The following GLT1D1 variants were observed in gnomAD, a reference collection of about 807,000 sequenced individuals.
The protein encoded by GLT1D1 is glycosyltransferase 1 domain-containing protein 1.
GLT1D1 carries 21 observed loss-of-function variants against 28.7 expected under a neutral mutation model. The observed-to-expected ratio is 0.73, with a 90% CI of 0.52 to 1.05. The LOEUF (loss-of-function observed/expected upper bound fraction) is 1.05. GLT1D1 is among the 50% of genes least tolerant of loss of function. The probability of loss-of-function intolerance (pLI) is 0.00; values close to 1 mark genes in which losing one functional copy is unlikely to be tolerated. For synonymous variants in GLT1D1, 147 were observed against 124.8 expected (o/e 1.18, Z -1.19); for missense variants, 343 against 330.6 (o/e 1.04, Z -0.29).
intron 2 of GLT1D1, among the ~76,000 whole-genome samples, chr12:128,879,447 T>TTTCTTTCTTTCTTTCC (rs1956975812): frequency 7.9e-6 from 1 of 126,326 alleles, no homozygotes; most frequent in Non-Finnish European, 1.7e-5. Context: ...TCTTTCTTTC[T>TTTCTTTCTTTCTTTCC]TTCTTTCTTT....
intron 3 of GLT1D1, among the ~76,000 whole-genome samples, chr12:128,896,087 CAG>C (rs1869593178): frequency 6.6e-6 from 1 of 152,070 alleles, no homozygotes; most frequent in African/African-American, 2.4e-5. Context: ...ATGGTGCAGT[CAG>C]GGGAGCTGCC....
chr12:128,982,464 GAAC>G (rs1593225689), intron 7 of GLT1D1, among the ~76,000 whole-genome samples: 1 of 152,180 alleles, frequency 6.6e-6, no homozygotes, highest in Admixed American at 6.5e-5. Context: ...GAAGAGGACA[GAAC>G]AACACAAAGG....
intron 1 of GLT1D1, among the ~76,000 whole-genome samples, chr12:128,874,124 C>CCCTTTCTTTCTTTCTTTCTTTCTT (rs1555261647): frequency 1.0e-4 from 4 of 39,282 alleles, no homozygotes; most frequent in African/African-American, 4.5e-4. Context: ...CTCTCTCTCT[C>CCCTTTCTTTCTTTCTTTCTTTCTT]TCTTTCTTTC....
rs1167537515 is a variant in GLT1D1 at position 128,874,113 on chromosome 12, T to TTC, written c.69-1801_69-1800insTC. ...CTTTCTTTCTTTCTCTCTCTCTCTCTCTCTCTCTCTCTCTTTCTTTCTTTC... is the reference window on the plus strand; with the variant it reads ...CTTTCTTTCTTTCTCTCTCTCTCTCTTCCTCTCTCTCTCTCTTTCTTTCTTTC... On this transcript the variant is annotated intron_variant, in intron 1 of 7. Coordinates refer to ENST00000281703, the MANE Select transcript of GLT1D1 (RefSeq NM_144669.3). 1.5e-4 allele frequency among the ~76,000 whole-genome samples: 10 copies of TTC among 65,940 alleles called. 1 individual carries two copies. Among genetic ancestry groups the TTC allele is most frequent in the African/African-American group, 6.6e-4 (10 of 15,062 alleles). The allele number at this position is 65,940 out of a possible 152,430, so 43.3% of individuals were successfully genotyped here.
intron 6 of GLT1D1, among the ~76,000 whole-genome samples, chr12:128,952,097 C>T (rs1265035851): frequency 6.6e-6 from 1 of 152,006 alleles, no homozygotes; most frequent in Non-Finnish European, 1.5e-5. Flanking sequence ...GATGCCGCAG[C>T]GGACAGACGC....
chr12:128,903,474 G>A (rs887783431), intron 4 of GLT1D1, among the ~76,000 whole-genome samples: 2 of 151,688 alleles, frequency 1.3e-5, no homozygotes, highest in African/African-American at 4.9e-5. Context: ...CCTTACAAGG[G>A]CACGGATGCA....
intron 7 of GLT1D1, among the ~76,000 whole-genome samples, chr12:128,973,058 G>T (rs1879345382): frequency 1.3e-5 from 2 of 151,706 alleles, no homozygotes; most frequent in Admixed American, 1.3e-4. Context: ...TTCCTCTCCT[G>T]CAGCCTGCCA....
intron 7 of GLT1D1, among the ~76,000 whole-genome samples, chr12:128,981,687 C>G (rs954348346): frequency 1.3e-5 from 2 of 152,268 alleles, no homozygotes; most frequent in Middle Eastern, 3.4e-3. Flanking sequence ...GGCATTGCTG[C>G]CTTCTTGGAA....
rs1593052551 is a variant in GLT1D1, at chr12:128,866,991, C to T, written c.69-8923C>T. Among the ~76,000 whole-genome samples the T allele has an allele frequency of 2.0e-5, 3 of 152,288 alleles. No individual in the cohort carries two copies. The South Asian group carries it at 6.2e-4, about 32-fold the overall frequency. On this transcript the variant is annotated intron_variant, in intron 1 of 7. Coordinates refer to ENST00000281703, the MANE Select transcript of GLT1D1 (RefSeq NM_144669.3). ...TCAAATGGCAGCCCCTTCCACCACACACTGTCTCCCCGTCTCCCTGGGGCT... is the reference window on the plus strand; with the variant it reads ...TCAAATGGCAGCCCCTTCCACCACATACTGTCTCCCCGTCTCCCTGGGGCT...
At chr12:128,902,550 C>T (rs1377348575) in intron 4 of GLT1D1, among the ~76,000 whole-genome samples, 1 of 150,942 alleles carries the variant, frequency 6.6e-6, no homozygotes, top group African/African-American at 2.5e-5. Context: ...TAAGAAATTG[C>T]CACTTGCTGA....
At chr12:128,927,999 C>CAAAAAAAAAAAAAAAAAAAAAAAA (rs938188484) in intron 4 of GLT1D1, among the ~76,000 whole-genome samples, 6 of 42,250 alleles carry the variant, frequency 1.4e-4, no homozygotes, top group Admixed American at 4.4e-4. Flanking sequence ...GACTCTGTCT[C>CAAAAAAAAAAAAAAAAAAAAAAAA]AAAAAAAAAA....
chr12:128,982,848 T>C, intron 7 of GLT1D1, 81 bp from the exon 12 acceptor site: 1 of 1,343,068 alleles, frequency 7.4e-7, no homozygotes, highest in South Asian at 1.3e-5. Flanking sequence ...CAGCAGCCAA[T>C]GCAGACACAG....
Position 128,967,785 on chromosome 12 carries a change from G to A in GLT1D1, c.639+10142G>A, listed in dbSNP as rs187057677. On this transcript the variant is annotated intron_variant, in intron 7 of 7. Transcript: ENST00000281703. The stretch of plus-strand genomic sequence containing the variant: ...TACTTCTCTCTTATGTTTTAAAAGT[G>A]TTTTAACGTAACATCTATAATTCTT... Among the ~76,000 whole-genome samples, 21 of 152,318 alleles carry A rather than the reference G, an allele frequency of 1.4e-4. No individual in the cohort carries two copies. In the East Asian group the frequency reaches 3.7e-3, roughly 27 times the overall value.
intron 6 of GLT1D1, 92 bp downstream of exon 10, chr12:128,947,550 A>C (rs1876259170): frequency 7.0e-7 from 1 of 1,437,872 alleles, no homozygotes; most frequent in Non-Finnish European, 9.8e-7. Flanking sequence ...TGTCAATAAC[A>C]TTCTGCACTT....
At chr12:128,869,372 G>C (rs148774997) in intron 1 of GLT1D1, among the ~76,000 whole-genome samples, 14 of 152,216 alleles carry the variant, frequency 9.2e-5, no homozygotes, top group Middle Eastern at 3.4e-3. Flanking sequence ...GTCTCGCCAT[G>C]TTGCCCGGGC....
rs568733916 is a variant in GLT1D1, at chr12:128,863,426, G to A, written c.68+9777G>A. Among the ~76,000 whole-genome samples the A allele has an allele frequency of 1.3e-3, 202 of 152,172 alleles. 1 individual carries two copies. Among genetic ancestry groups the A allele is most frequent in the Admixed American group, 5.8e-3 (89 of 15,282 alleles). ...TTGCTCTTGTTGCCCAGGCTGGAGT[G>A]CAGTGGCGTGATCTCGGCTCACTGC... On this transcript the variant is annotated intron_variant, in intron 1 of 7. Transcript: ENST00000281703.
rs183557477 is a variant in GLT1D1 at position 128,954,352 on chromosome 12, G to A, written c.541-3193G>A. Among the ~76,000 whole-genome samples, 39 of 148,010 alleles carry A rather than the reference G, an allele frequency of 2.6e-4. 1 individual carries two copies. Among genetic ancestry groups the A allele is most frequent in the African/African-American group, 6.5e-4 (26 of 40,198 alleles). On this transcript the variant is annotated intron_variant, in intron 6 of 7. Coordinates refer to ENST00000281703, the MANE Select transcript of GLT1D1 (RefSeq NM_144669.3). ...TCACCATGTTAGCCAGGATGGTCTC[G>A]ATCTCCTGACCTTGTGATCCTCCCG...
chr12:128,910,050 A>G (rs1201648155), intron 4 of GLT1D1, among the ~76,000 whole-genome samples: 1 of 152,270 alleles, frequency 6.6e-6, no homozygotes, highest in Non-Finnish European at 1.5e-5. Context: ...TTTTATTGCA[A>G]TGATTACAAA....
chr12:128,959,929 A>G (rs112565884), intron 7 of GLT1D1, among the ~76,000 whole-genome samples: 1 of 152,178 alleles, frequency 6.6e-6, no homozygotes, highest in African/African-American at 2.4e-5. Context: ...GAACGTCTGA[A>G]TAGCAATTCC....
Sources: allele counts gnomAD v4.1 joint callset (sites outside exome capture counted in the v4.1 genomes callset), GRCh38; gene constraint gnomAD v4.1.1; transcripts MANE v1.5; gene names NCBI Gene and HGNC (gene_info 2026-07-23, HGNC 2026-07-21).